Variants in GNAI1 observed in about 807,000 individuals in gnomAD.
GNAI1 encodes G protein subunit alpha i1.
Under a neutral mutation model 38.9 loss-of-function variants are expected in GNAI1, and 11 were observed. The observed-to-expected ratio is 0.28, with a 90% CI of 0.18 to 0.47. The LOEUF (loss-of-function observed/expected upper bound fraction) is 0.47. Ranked by LOEUF, GNAI1 falls within the 20% of genes least tolerant of loss-of-function variation. The pLI is 0.99. For missense variants in GNAI1, 317 were observed against 436.9 expected (o/e 0.73, Z 2.45); for synonymous variants, 166 against 145.1 (o/e 1.14, Z -1.04).
chr7:80,208,471 A>C (rs972972602), intron 5 of GNAI1, among the ~76,000 whole-genome samples: 1 of 152,146 alleles, frequency 6.6e-6, no homozygotes, highest in African/African-American at 2.4e-5. Flanking sequence ...ATCATTTGTA[A>C]TATCAGTTCT....
At chr7:80,200,341 A>AAAAC (rs1183044501) in intron 4 of GNAI1, among the ~76,000 whole-genome samples, 2 of 150,156 alleles carry the variant, frequency 1.3e-5, no homozygotes, top group East Asian at 3.9e-4. Flanking sequence ...AAAAAAAAAA[A>AAAAC]AAAAAACCTA....
rs1238633092 is a variant in GNAI1 at position 80,220,613 on chromosome 7, T to A, written c.*3120T>A. 6.6e-6 allele frequency among the ~76,000 whole-genome samples: 1 copy of A among 152,230 alleles called. No individual in the cohort carries two copies. The highest frequency in any genetic ancestry group is 1.5e-5 in the Non-Finnish European group (1 of 68,044). On this transcript the variant is annotated 3_prime_UTR_variant, in exon 8 of 8. Coordinates refer to ENST00000649796, the MANE Select transcript of GNAI1 (RefSeq NM_002069.6). Reference sequence around the variant, plus strand: ...TAAAATTCTCTTCATTTCAGTAACCTTCTAAAAGTCTACTTTTTTATGCCT... The same window carrying A: ...TAAAATTCTCTTCATTTCAGTAACCATCTAAAAGTCTACTTTTTTATGCCT...
chr7:80,213,989 C>T (rs2886611), intron 7 of GNAI1, among the ~76,000 whole-genome samples: 43,304 of 151,904 alleles, frequency 0.29, 7,187 homozygotes, highest in African/African-American at 0.46. Context: ...TCAGGTATCC[C>T]TACCCATACA....
At chr7:80,135,458 C>G (rs1193682880) in intron 1 of GNAI1, 180 bp downstream of exon 1, 1 of 418,952 alleles carries the variant, frequency 2.4e-6, no homozygotes, top group East Asian at 3.6e-5. Context: ...TGTCTGGTCT[C>G]TCTCCGCCCC....
chr7:80,184,465 GTGCCCATAC>G (rs766544105), intron 1 of GNAI1, among the ~76,000 whole-genome samples: 7 of 152,106 alleles, frequency 4.6e-5, no homozygotes, highest in Non-Finnish European at 1.0e-4. Flanking sequence ...TACTGGAGTT[GTGCCCATAC>G]TCACTTGAGG....
intron 1 of GNAI1, among the ~76,000 whole-genome samples, chr7:80,170,334 A>G (rs1427559031): frequency 2.0e-5 from 3 of 152,082 alleles, no homozygotes; most frequent in Non-Finnish European, 4.4e-5. Flanking sequence ...TGGCCATCCT[A>G]GTGGGTGTGA....
At position 80,221,636 on chromosome 7, in the gene GNAI1, CTTTTT is replaced by C. The variant is rs71518978; in HGVS notation, c.*4164_*4168del. ...ATTTTAATGTTAGGTTGGAAATTTT[CTTTTT>C]TTTTTTTTTTTTTTTTTTTTGGTAT... On this transcript the variant is annotated 3_prime_UTR_variant, in exon 8 of 8. Coordinates refer to ENST00000649796, the MANE Select transcript of GNAI1 (RefSeq NM_002069.6). 2.6e-4 allele frequency among the ~76,000 whole-genome samples: 25 copies of C among 94,356 alleles called. 1 individual carries two copies. Among genetic ancestry groups the C allele is most frequent in the Admixed American group, 2.7e-4 (2 of 7,342 alleles). 61.9% of individuals were successfully genotyped at this position (94,356 alleles called of 152,430 possible).
chr7:80,146,206 T>A (rs17805757), intron 1 of GNAI1, among the ~76,000 whole-genome samples: 13,275 of 152,104 alleles, frequency 0.087, 643 homozygotes, highest in Non-Finnish European at 0.11. Flanking sequence ...GATATGGGTC[T>A]GACTCTGCCT....
chr7:80,197,443 C>T (rs1788597972), intron 3 of GNAI1, among the ~76,000 whole-genome samples: 1 of 151,870 alleles, frequency 6.6e-6, no homozygotes, highest in South Asian at 2.1e-4. Flanking sequence ...TGTCAAAAAA[C>T]GCTATTGAAA....
Position 80,221,437 on chromosome 7 carries a change from T to C in GNAI1, c.*3944T>C, listed in dbSNP as rs1789072497. On this transcript the variant is annotated 3_prime_UTR_variant, in exon 8 of 8. Transcript: ENST00000649796. Reference sequence around the variant, plus strand: ...TCATAATCAGTGCTTAACAAATGGTTGTTGATACGTGCTTTGAATGAAATG... The same window carrying C: ...TCATAATCAGTGCTTAACAAATGGTCGTTGATACGTGCTTTGAATGAAATG... Among the ~76,000 whole-genome samples the C allele has an allele frequency of 6.6e-6, 1 of 152,124 alleles. No individual in the cohort carries two copies. Among genetic ancestry groups the C allele is most frequent in the African/African-American group, 2.4e-5 (1 of 41,438 alleles).
At chr7:80,173,900 G>A (rs1001865107) in intron 1 of GNAI1, among the ~76,000 whole-genome samples, 24 of 152,082 alleles carry the variant, frequency 1.6e-4, no homozygotes, top group African/African-American at 5.8e-4. Flanking sequence ...CTGAAAATTA[G>A]AGGTGCCTTG....
chr7:80,211,947 T>G (rs1253548762), intron 6 of GNAI1, among the ~76,000 whole-genome samples: 1 of 152,160 alleles, frequency 6.6e-6, no homozygotes, highest in African/African-American at 2.4e-5. Flanking sequence ...AAAATTTTTT[T>G]CAACCAAGCA....
chr7:80,180,349 G>GTA (rs956163245), intron 1 of GNAI1, among the ~76,000 whole-genome samples: 1 of 139,516 alleles, frequency 7.2e-6, no homozygotes, highest in African/African-American at 2.6e-5. Context: ...GTGTGTGTGT[G>GTA]TATATAAAGT....
At chr7:80,151,202 G>A (rs955584070) in intron 1 of GNAI1, among the ~76,000 whole-genome samples, 8 of 152,024 alleles carry the variant, frequency 5.3e-5, no homozygotes, top group African/African-American at 1.9e-4. Context: ...CCTGTTTCCA[G>A]TCCTGCCCAG....
chr7:80,210,383 A>G (rs1327364765), intron 5 of GNAI1, among the ~76,000 whole-genome samples: 1 of 152,074 alleles, frequency 6.6e-6, no homozygotes, highest in Non-Finnish European at 1.5e-5. Flanking sequence ...TTTGTAATGT[A>G]TCATGATTTT....
chr7:80,212,968 T>A, intron 7 of GNAI1, 99 bp downstream of exon 7: 2 of 804,294 alleles, frequency 2.5e-6, no homozygotes, highest in Non-Finnish European at 2.0e-6. Flanking sequence ...TCTCTTGGCT[T>A]AGTGATTCTT....
intron 1 of GNAI1, among the ~76,000 whole-genome samples, chr7:80,140,761 T>C (rs1308016490): frequency 2.0e-5 from 3 of 152,234 alleles, no homozygotes; most frequent in African/African-American, 7.2e-5. Flanking sequence ...TTCATTACCA[T>C]AAACGTAGTG....
chr7:80,135,826 A>C lies in GNAI1; in HGVS notation c.118+548A>C, dbSNP rs904453797. The C allele has an allele frequency of 1.1e-5, 11 of 983,826 alleles. 1 individual carries two copies. Among genetic ancestry groups the C allele is most frequent in the Middle Eastern group, 1.0e-3 (2 of 1,932 alleles). The allele number at this position is 983,826 out of a possible 1,614,324, so 60.9% of individuals were successfully genotyped here. On this transcript the variant is annotated intron_variant, in intron 1 of 7. Transcript: ENST00000649796. ...TCTTTCCTGTTAACTTCCTATGGCGACTCCTTAAGTGGTCAAGGAGCGCTG... is the reference window on the plus strand; with the variant it reads ...TCTTTCCTGTTAACTTCCTATGGCGCCTCCTTAAGTGGTCAAGGAGCGCTG...
rs1789005665 is a variant in GNAI1 at position 80,218,145 on chromosome 7, CAT to C, written c.*653_*654del. 6.6e-6 allele frequency: 1 copy of C among 152,122 alleles called. No individual in the cohort carries two copies. Among genetic ancestry groups the C allele is most frequent in the African/African-American group, 2.4e-5 (1 of 41,420 alleles). 9.4% of individuals were successfully genotyped at this position (152,122 alleles called of 1,614,324 possible). ...CCTGCCTTTGGATCAACTATTTAAA[CAT>C]TGTATGCATTTTGATTTTTCCTACT... is the stretch of plus-strand genomic sequence containing the variant. On this transcript the variant is annotated 3_prime_UTR_variant, in exon 8 of 8. Transcript: ENST00000649796.
Sources: gnomAD v4.1 joint callset for allele counts (sites outside exome capture counted in the v4.1 genomes callset) on GRCh38, gnomAD v4.1.1 for gene constraint, MANE v1.5 for transcripts, NCBI Gene and HGNC (gene_info 2026-07-23, HGNC 2026-07-21) for gene names.